Variants in RNF169 observed in about 807,000 individuals in gnomAD.
RNF169 encodes E3 ubiquitin-protein ligase RNF169.
RNF169 carries 24 observed loss-of-function variants against 53.9 expected under a neutral mutation model. That is an observed-to-expected ratio of 0.45 (90% CI 0.32 to 0.63). The LOEUF (loss-of-function observed/expected upper bound fraction) is 0.63, where lower values mean the gene tolerates loss of function less well. Ranked by LOEUF, RNF169 falls within the 20% of genes least tolerant of loss-of-function variation. The pLI, the probability that RNF169 is intolerant of heterozygous loss-of-function variation, is 0.04. For synonymous variants in RNF169, 396 were observed against 363.5 expected (o/e 1.09, Z -1.02); for missense variants, 883 against 906.2 (o/e 0.97, Z 0.33).
chr11:74,757,148 TC>T (rs1372765652), intron 1 of RNF169, among the ~76,000 whole-genome samples: 1 of 88,054 alleles, frequency 1.1e-5, no homozygotes, highest in African/African-American at 4.9e-5. Context: ...CCCTCCCCCC[TC>T]CCCCCACCCC....
intron 1 of RNF169, 58 bp downstream of exon 1, chr11:74,749,440 G>T: frequency 8.3e-7 from 1 of 1,200,086 alleles, no homozygotes; most frequent in Non-Finnish European, 1.0e-6. Flanking sequence ...GCCCCGGCCC[G>T]GCCTGGTGAG....
At chr11:74,831,353 G>A (rs1172224969) in intron 4 of RNF169, 1 of 152,100 alleles carries the variant, frequency 6.6e-6, no homozygotes, top group Non-Finnish European at 1.5e-5. Context: ...CACTAGCAGT[G>A]AACAACCCAA....
intron 1 of RNF169, among the ~76,000 whole-genome samples, chr11:74,781,725 G>A (rs1354335075): frequency 6.6e-6 from 1 of 152,214 alleles, no homozygotes. Context: ...GTATGGGGTT[G>A]TTAGGCTCAT....
chr11:74,785,346 G>A (rs2035484819), intron 1 of RNF169, among the ~76,000 whole-genome samples: 1 of 144,660 alleles, frequency 6.9e-6, no homozygotes, highest in Admixed American at 7.0e-5. Flanking sequence ...ATTTCCCAAG[G>A]CTCCATCATT....
At chr11:74,810,055 A>G in intron 2 of RNF169, 129 bp from the exon 3 acceptor site, 1 of 768,522 alleles carries the variant, frequency 1.3e-6, no homozygotes, top group Non-Finnish European at 2.1e-6. Context: ...AGAGGGCTCT[A>G]TAGCTGATAA....
chr11:74,767,759 A>G (rs2035196607), intron 1 of RNF169, among the ~76,000 whole-genome samples: 1 of 149,634 alleles, frequency 6.7e-6, no homozygotes, highest in Admixed American at 6.7e-5. Context: ...TTTTTTTTTT[A>G]GTAGAGACGG....
At chr11:74,835,218 T>TAG (rs2036235627) in intron 5 of RNF169, among the ~76,000 whole-genome samples, 1 of 152,176 alleles carries the variant, frequency 6.6e-6, no homozygotes, top group Admixed American at 6.5e-5. Context: ...GTAATACACC[T>TAG]GTCTCAGCTT....
At chr11:74,756,002 T>C (rs1490867668) in intron 1 of RNF169, among the ~76,000 whole-genome samples, 2 of 152,148 alleles carry the variant, frequency 1.3e-5, no homozygotes, top group East Asian at 3.8e-4. Flanking sequence ...AGAGGAAAGA[T>C]GTGAGTAGAA....
Position 74,780,758 on chromosome 11 carries a change from A to AAAAATCTAT in RNF169, c.503-8866_503-8858dup, listed in dbSNP as rs2135064438. Among the ~76,000 whole-genome samples the AAAAATCTAT allele has an allele frequency of 1.3e-5, 2 of 152,352 alleles. 1 individual carries two copies. Among genetic ancestry groups the AAAAATCTAT allele is most frequent in the South Asian group, 4.1e-4 (2 of 4,828 alleles). The stretch of plus-strand genomic sequence containing the variant: ...GAATAACTAGAAAAGCTTGATTTAA[A>AAAAATCTAT]AAAATCTATATGAAGGCATTGTAAG... On this transcript the variant is annotated intron_variant, in intron 1 of 5. Transcript: ENST00000299563.
chr11:74,789,453 A>T (rs531547059), intron 1 of RNF169, among the ~76,000 whole-genome samples, 173 bp from the exon 2 acceptor site: 1 of 152,330 alleles, frequency 6.6e-6, no homozygotes, highest in Admixed American at 6.5e-5. Flanking sequence ...TGTCAGAAGG[A>T]GACAGAAGTG....
chr11:74,806,963 GAAA>G, intron 2 of RNF169, among the ~76,000 whole-genome samples: 1 of 151,870 alleles, frequency 6.6e-6, no homozygotes, highest in South Asian at 2.1e-4. Context: ...ATTAATAAGG[GAAA>G]AGTAAAGATT....
chr11:74,805,945 C>T (rs1271798160), intron 2 of RNF169, among the ~76,000 whole-genome samples: 1 of 151,892 alleles, frequency 6.6e-6, no homozygotes, highest in Non-Finnish European at 1.5e-5. Context: ...GGAACCAATC[C>T]CCTACATATA....
At chr11:74,755,772 A>C (rs2034972774) in intron 1 of RNF169, among the ~76,000 whole-genome samples, 1 of 152,196 alleles carries the variant, frequency 6.6e-6, no homozygotes, top group Non-Finnish European at 1.5e-5. Context: ...GAAAGGCTTG[A>C]AGGTGCTTGG....
At chr11:74,764,519 A>T (rs537387123) in intron 1 of RNF169, among the ~76,000 whole-genome samples, 2 of 152,228 alleles carry the variant, frequency 1.3e-5, no homozygotes, top group East Asian at 3.8e-4. Flanking sequence ...CTCCATCTCA[A>T]AAGAAGAAAA....
chr11:74,817,759 G>A, intron 4 of RNF169, 45 bp downstream of exon 4: 1 of 1,278,682 alleles, frequency 7.8e-7, no homozygotes, highest in Admixed American at 1.7e-5. Context: ...TTGGTTTTGG[G>A]GTATGAGATA....
At chr11:74,770,798 C>CGTTTT in intron 1 of RNF169, among the ~76,000 whole-genome samples, 1 of 152,100 alleles carries the variant, frequency 6.6e-6, no homozygotes, top group South Asian at 2.1e-4. Flanking sequence ...ATGCATTTTT[C>CGTTTT]GTTTTGTTTT....
chr11:74,759,023 A>C (rs564835177), intron 1 of RNF169, among the ~76,000 whole-genome samples: 58 of 150,756 alleles, frequency 3.8e-4, no homozygotes, highest in African/African-American at 1.2e-3. Flanking sequence ...GAGGTCCTTC[A>C]CATCCCTTGT....
intron 1 of RNF169, among the ~76,000 whole-genome samples, chr11:74,787,590 A>C (rs1393859301): frequency 6.6e-6 from 1 of 152,182 alleles, no homozygotes; most frequent in East Asian, 1.9e-4. Context: ...CACTATGATT[A>C]TGCCTGTGAA....
intron 1 of RNF169, among the ~76,000 whole-genome samples, chr11:74,763,731 GA>G (rs572298329): frequency 2.5e-4 from 38 of 151,262 alleles, no homozygotes; most frequent in African/African-American, 8.5e-4. Flanking sequence ...ACTTCCAGGA[GA>G]AAAAAAAATG....
Sources: gnomAD v4.1 joint callset for allele counts (sites outside exome capture counted in the v4.1 genomes callset) on GRCh38, gnomAD v4.1.1 for gene constraint, MANE v1.5 for transcripts, NCBI Gene and HGNC (gene_info 2026-07-23, HGNC 2026-07-21) for gene names.